Variants in VPS13A observed in about 807,000 individuals in gnomAD.
The protein encoded by VPS13A is vacuolar protein sorting 13 homolog A.
A neutral mutation model predicts 390.9 loss-of-function variants in VPS13A; 264 were observed. The ratio of observed to expected loss-of-function variants is 0.68; its 90% CI spans 0.61 to 0.75. The LOEUF (loss-of-function observed/expected upper bound fraction) is 0.75, where lower values mean the gene tolerates loss of function less well. VPS13A is among the 30% of genes least tolerant of loss of function. VPS13A has a pLI of 0.00. For missense variants in VPS13A, 3,409 were observed against 3,733.9 expected (o/e 0.91, Z 2.27); for synonymous variants, 1,231 against 1,227.1 (o/e 1.00, Z -0.07).
chr9:77,384,587 A>G (rs764649356), intron 68 of VPS13A: 2 of 1,611,466 alleles, frequency 1.2e-6, no homozygotes, highest in Non-Finnish European at 1.7e-6. Flanking sequence ...GCTTACAGAA[A>G]ATTCAATTCT....
Position 77,329,648 on chromosome 9 carries a change from G to A in VPS13A, c.5992-2362G>A, listed in dbSNP as rs1179036051. ...AGAGTTACCAAAATATGACAGTGAG[G>A]CACTTAGTGAGCACATGCTGTTAGA... On this transcript the variant is annotated intron_variant, in intron 45 of 71. Transcript: ENST00000360280. Among the ~76,000 whole-genome samples the A allele has an allele frequency of 2.0e-5, 3 of 152,162 alleles. No individual in the cohort carries two copies. The East Asian group carries it at 5.8e-4, about 29-fold the overall frequency.
At chr9:77,384,759 G>C in intron 68 of VPS13A, 1 of 1,537,960 alleles carries the variant, frequency 6.5e-7, no homozygotes, top group Admixed American at 1.9e-5. Context: ...ATGCCCATAT[G>C]TCCATTTATA....
At chr9:77,368,224 G>A (rs1832545373) in intron 62 of VPS13A, 88 bp downstream of exon 62, 5 of 1,065,432 alleles carry the variant, frequency 4.7e-6, no homozygotes, top group Non-Finnish European at 7.0e-6. Context: ...TGGAACTATT[G>A]AGGAACTAAA....
chr9:77,403,264 A>G lies in VPS13A; in HGVS notation c.9218A>G (p.Tyr3073Cys), dbSNP rs763080302. The G allele has an allele frequency of 3.1e-6, 5 of 1,612,358 alleles. No individual in the cohort carries two copies. In the Admixed American group the frequency reaches 5.0e-5, roughly 16 times the overall value. ...QVMENGRFAKYKYFTHVMINK... is the reference protein window; with the variant it reads ...QVMENGRFAKCKYFTHVMINK... Reference sequence around the variant, plus strand: ...ATGGAAAATGGAAGATTTGCAAAATACAAATATTTTACCCATGTCATGATC... The same window carrying G: ...ATGGAAAATGGAAGATTTGCAAAATGCAAATATTTTACCCATGTCATGATC... Residue 3073 changes from tyrosine (Y) to cysteine (C), a missense_variant, in exon 69 of 72, where the codon TAC (tyrosine) becomes TGC (cysteine). Around this residue, in one of 5 missense-constraint regions of VPS13A, gnomAD observed 318 missense variants for 333.7 expected, o/e 0.95. Transcript: ENST00000360280.
intron 50 of VPS13A, among the ~76,000 whole-genome samples, chr9:77,343,705 A>G (rs1319162014): frequency 6.6e-6 from 1 of 152,194 alleles, no homozygotes; most frequent in Non-Finnish European, 1.5e-5. Flanking sequence ...TGACAACCAG[A>G]TGCTAGATTT....
Position 77,321,299 on chromosome 9 carries a change from G to A in VPS13A, c.5546G>A (p.Gly1849Asp). Residue 1849 changes from glycine to aspartate, a missense_variant, in exon 43 of 72, where the codon GGT becomes GAT. Physicochemically the swap from Gly to Asp is moderately conservative, Grantham distance 94 (BLOSUM62 -1). Coordinates refer to ENST00000360280, the MANE Select transcript of VPS13A (RefSeq NM_033305.3). ...TTAAACATTACATTATCCAAATGTG[G>A]TCTTGTAATGTTAAACAATTTAGTC... ...DQLNITLSKC[G>D]LVMLNNLVKA... is the part of the protein sequence containing the mutation. The A allele has an allele frequency of 6.2e-7, 1 of 1,607,916 alleles. No homozygotes were observed. The highest frequency in any genetic ancestry group is 8.5e-7 in the Non-Finnish European group (1 of 1,175,924).
intron 50 of VPS13A, among the ~76,000 whole-genome samples, chr9:77,342,087 A>C (rs1316402978): frequency 6.6e-6 from 1 of 152,074 alleles, no homozygotes; most frequent in Non-Finnish European, 1.5e-5. Flanking sequence ...GACTCATTGG[A>C]GTGACATTTG....
chr9:77,357,380 G>T (rs1054300339), intron 55 of VPS13A, among the ~76,000 whole-genome samples: 44 of 137,260 alleles, frequency 3.2e-4, no homozygotes, highest in African/African-American at 1.1e-3. Flanking sequence ...AGATGCTAAT[G>T]ATCTGTTCTT....
Position 77,314,656 on chromosome 9 carries a change from A to C in VPS13A, c.4404A>C (p.Ala1468=). Residue 1468 remains alanine, a synonymous_variant, in exon 37 of 72, where the codon GCA becomes GCC. Coordinates refer to ENST00000360280, the MANE Select transcript of VPS13A (RefSeq NM_033305.3). ...LDDKRPHVKK[A]TPRMIGLTVG... is the part of the protein sequence containing the mutation. ...ATAAAAGACCTCATGTCAAGAAAGC[A>C]ACTCCTCGGTATGTATTGTAATGAT... 2 of 1,611,832 alleles carry C rather than the reference A, an allele frequency of 1.2e-6. No individual in the cohort carries two copies. The highest frequency in any genetic ancestry group is 1.7e-6 in the Non-Finnish European group (2 of 1,178,438).
rs572092746 is a variant in VPS13A, at chr9:77,363,842, C to A, written c.8212-1618C>A. On this transcript the variant is annotated intron_variant, in intron 59 of 71. Transcript: ENST00000360280. ...CCTTTGGGAAGAGATTAATAGTTAC[C>A]TGTTTTAAAACCTACTTTCCCCATC... Among the ~76,000 whole-genome samples the A allele has an allele frequency of 3.3e-5, 5 of 152,278 alleles. No homozygotes were observed. In the South Asian group the frequency reaches 1.0e-3, roughly 32 times the overall value.
chr9:77,400,158 TTTAA>T (rs1834309425), intron 68 of VPS13A, among the ~76,000 whole-genome samples: 1 of 151,854 alleles, frequency 6.6e-6, no homozygotes, highest in Non-Finnish European at 1.5e-5. Context: ...AGAGGGTATG[TTTAA>T]TTGATTTGCA....
intron 10 of VPS13A, among the ~76,000 whole-genome samples, chr9:77,216,836 A>G (rs763923721): frequency 1.3e-5 from 2 of 152,184 alleles, no homozygotes; most frequent in Non-Finnish European, 2.9e-5. Flanking sequence ...GAGAAGAAGA[A>G]TTTGAATGTT....
At chr9:77,280,127 T>C in intron 26 of VPS13A, 32 bp from the exon 27 acceptor site, 1 of 1,503,452 alleles carries the variant, frequency 6.7e-7, no homozygotes, top group Non-Finnish European at 9.2e-7. Flanking sequence ...ACCTTTCCGA[T>C]GAAAAGATAA....
At chr9:77,214,425 A>T in intron 10 of VPS13A, 39 bp downstream of exon 10, 1 of 1,524,826 alleles carries the variant, frequency 6.6e-7, no homozygotes. Flanking sequence ...TAGTTAAAGT[A>T]ATTGGTATAA....
intron 31 of VPS13A, among the ~76,000 whole-genome samples, chr9:77,284,002 T>G (rs1195256660): frequency 6.6e-6 from 1 of 151,870 alleles, no homozygotes; most frequent in Admixed American, 6.6e-5. Context: ...CTCTGAATCT[T>G]GTAATGCATT....
At chr9:77,355,700 A>C (rs926926577) in intron 54 of VPS13A, among the ~76,000 whole-genome samples, 9 of 152,184 alleles carry the variant, frequency 5.9e-5, no homozygotes. Flanking sequence ...AGAGTTAATA[A>C]AAAATAGCTC....
intron 34 of VPS13A, chr9:77,305,589 G>A: frequency 9.7e-6 from 2 of 205,950 alleles, no homozygotes; most frequent in South Asian, 8.0e-5. Flanking sequence ...TGGTGATGCT[G>A]CCAACAATCT....
chr9:77,254,792 T>G (rs1436315870), intron 22 of VPS13A, among the ~76,000 whole-genome samples: 1 of 152,170 alleles, frequency 6.6e-6, no homozygotes, highest in Non-Finnish European at 1.5e-5. Context: ...TTAAAAATTT[T>G]GGGGGGATTG....
chr9:77,197,422 C>T (rs1179177498), intron 1 of VPS13A, among the ~76,000 whole-genome samples: 1 of 152,164 alleles, frequency 6.6e-6, no homozygotes, highest in Non-Finnish European at 1.5e-5. Flanking sequence ...GTGTTTGCTT[C>T]ATATGTTTTG....
Sources: allele counts gnomAD v4.1 joint callset (sites outside exome capture counted in the v4.1 genomes callset), GRCh38; gene constraint gnomAD v4.1.1; regional missense constraint gnomAD v4.1.1; transcripts MANE v1.5; gene names NCBI Gene and HGNC (gene_info 2026-07-23, HGNC 2026-07-21).